Variants in GRID2 observed in about 807,000 individuals in gnomAD.
GRID2 encodes the protein glutamate ionotropic receptor delta type subunit 2, also known as glutamate receptor ionotropic, delta-2.
GRID2 carries 33 observed loss-of-function variants against 114.8 expected under a neutral mutation model. That is an observed-to-expected ratio of 0.29 (90% confidence interval 0.22 to 0.38). The LOEUF (loss-of-function observed/expected upper bound fraction) is 0.38. Among genes scored for constraint, GRID2 ranks in the 10% least tolerant of loss-of-function variants. The pLI, the probability that GRID2 is intolerant of heterozygous loss-of-function variation, is 1.00. For synonymous variants in GRID2, 505 were observed against 449.9 expected (o/e 1.12, Z -1.55); for missense variants, 1,184 against 1,257.7 (o/e 0.94, Z 0.89).
chr4:92,633,276 A>G (rs1730899106), intron 2 of GRID2, among the ~76,000 whole-genome samples: 1 of 152,120 alleles, frequency 6.6e-6, no homozygotes, highest in Non-Finnish European at 1.5e-5. Context: ...TATTTCCCCT[A>G]TAATGTGAAA....
In GRID2 at chr4:92,492,080, A is replaced by G. The variant is rs190367848; in HGVS notation, c.89-98051A>G. Among the ~76,000 whole-genome samples the G allele has an allele frequency of 5.1e-3, 776 of 152,298 alleles. 6 individuals carry two copies. The highest frequency in any genetic ancestry group is 0.017 in the African/African-American group (703 of 41,576). ...TGCATTTTTAAATATTATTTTAGTT[A>G]TATCTATCCTAAAAGGCTTTGTATG... is the stretch of plus-strand genomic sequence containing the variant. On this transcript the variant is annotated intron_variant, in intron 1 of 15. Transcript: ENST00000282020.
chr4:92,539,379 G>T (rs1417745253), intron 1 of GRID2, among the ~76,000 whole-genome samples: 1 of 151,934 alleles, frequency 6.6e-6, no homozygotes, highest in Non-Finnish European at 1.5e-5. Flanking sequence ...TAGCAAATGA[G>T]TAAAACATAG....
At chr4:93,799,298 A>C (rs531539471) in intron 1 of GRID2, among the ~76,000 whole-genome samples, 7 of 152,158 alleles carry the variant, frequency 4.6e-5, no homozygotes, top group African/African-American at 7.2e-5. Flanking sequence ...AGGGCCTACT[A>C]TGTTCCTAGA....
chr4:92,356,509 C>T (rs1359971146), intron 1 of GRID2, among the ~76,000 whole-genome samples: 1 of 151,398 alleles, frequency 6.6e-6, no homozygotes, highest in African/African-American at 2.4e-5. Flanking sequence ...AATTTATATG[C>T]ATATTACATA....
chr4:92,950,590 G>T (rs925669937), intron 2 of GRID2, among the ~76,000 whole-genome samples: 1 of 152,058 alleles, frequency 6.6e-6, no homozygotes, highest in African/African-American at 2.4e-5. Context: ...GAAGAAACTG[G>T]GTTAGTCACA....
At position 93,535,808 on chromosome 4, in the gene GRID2, GATGTATGGTTTGCAA is replaced by G. The variant is rs1305114275; in HGVS notation, c.2193+20400_2193+20414del. ...TATTTTGGATATTAACCCTTCATCA[GATGTATGGTTTGCAA>G]ATATTTTCTACCATTTCCTAAGCTG... On this transcript the variant is annotated intron_variant, in intron 13 of 15. Coordinates refer to ENST00000282020, the MANE Select transcript of GRID2 (RefSeq NM_001510.4). 5.9e-5 allele frequency among the ~76,000 whole-genome samples: 9 copies of G among 152,062 alleles called. No homozygotes were observed. The East Asian group carries it at 1.7e-3, about 29-fold the overall frequency.
chr4:92,894,361 G>C (rs1399385006), intron 2 of GRID2, among the ~76,000 whole-genome samples: 1 of 152,072 alleles, frequency 6.6e-6, no homozygotes, highest in Non-Finnish European at 1.5e-5. Context: ...TTTAGTGCTT[G>C]CATTTGTATG....
intron 2 of GRID2, among the ~76,000 whole-genome samples, chr4:93,015,365 A>G (rs1722578736): frequency 6.6e-6 from 1 of 152,194 alleles, no homozygotes; most frequent in South Asian, 2.1e-4. Context: ...TGAAGAGCAC[A>G]GATGCTGGAG....
chr4:92,735,006 T>C (rs1028878668), intron 2 of GRID2, among the ~76,000 whole-genome samples: 2 of 152,084 alleles, frequency 1.3e-5, no homozygotes, highest in African/African-American at 2.4e-5. Context: ...CTTGGACTCT[T>C]GGGCTCAAGC....
chr4:93,470,798 T>C (rs1411278420), intron 11 of GRID2, among the ~76,000 whole-genome samples: 1 of 152,126 alleles, frequency 6.6e-6, no homozygotes, highest in Non-Finnish European at 1.5e-5. Flanking sequence ...AACAAAAATC[T>C]ACAGATATAT....
chr4:92,640,529 G>A lies in GRID2; in HGVS notation c.244+50243G>A, dbSNP rs6856028. 9.7e-3 allele frequency among the ~76,000 whole-genome samples: 1,466 copies of A among 151,852 alleles called. 21 individuals carry two copies. The highest frequency in any genetic ancestry group is 0.034 in the African/African-American group (1,393 of 41,472). ...GAAACAATTAACAGCTAAAGCCCAG[G>A]ATATGACTAAAGAGAAAGGATCTCT... On this transcript the variant is annotated intron_variant, in intron 2 of 15. Coordinates refer to ENST00000282020, the MANE Select transcript of GRID2 (RefSeq NM_001510.4).
intron 8 of GRID2, among the ~76,000 whole-genome samples, chr4:93,268,425 A>G (rs1025937666): frequency 6.6e-6 from 1 of 152,068 alleles, no homozygotes; most frequent in Non-Finnish European, 1.5e-5. Flanking sequence ...ATCTCCAAAT[A>G]TATTTGGGGT....
intron 1 of GRID2, among the ~76,000 whole-genome samples, chr4:92,445,542 T>G (rs1733411954): frequency 6.6e-6 from 1 of 152,210 alleles, no homozygotes; most frequent in Non-Finnish European, 1.5e-5. Context: ...GTTTTGGTAT[T>G]CAAAAGGAGC....
chr4:93,520,771 A>G (rs1041171569), intron 13 of GRID2, among the ~76,000 whole-genome samples: 1 of 152,178 alleles, frequency 6.6e-6, no homozygotes, highest in Non-Finnish European at 1.5e-5. Flanking sequence ...CTGATTCACA[A>G]TAAGGGTTGA....
At chr4:92,504,195 GA>G (rs1454267106) in intron 1 of GRID2, among the ~76,000 whole-genome samples, 1 of 152,026 alleles carries the variant, frequency 6.6e-6, no homozygotes, top group Non-Finnish European at 1.5e-5. Flanking sequence ...GAAGAGAGGA[GA>G]AAAGGGTTTT....
intron 1 of GRID2, among the ~76,000 whole-genome samples, chr4:92,424,643 T>A (rs1196796714): frequency 6.6e-6 from 1 of 151,714 alleles, no homozygotes; most frequent in Non-Finnish European, 1.5e-5. Context: ...GTAATGAATA[T>A]GAGAAATAAA....
In GRID2 at chr4:92,366,260, T is replaced by C. The variant is rs1378523495; in HGVS notation, c.88+61516T>C. Reference sequence around the variant, plus strand: ...TTTAAATCCTCCATGTTTCTTAGTTTCCCATATTACATTCCTTATCTCAAC... The same window carrying C: ...TTTAAATCCTCCATGTTTCTTAGTTCCCCATATTACATTCCTTATCTCAAC... On this transcript the variant is annotated intron_variant, in intron 1 of 15. Coordinates refer to ENST00000282020, the MANE Select transcript of GRID2 (RefSeq NM_001510.4). Among the ~76,000 whole-genome samples, 2 of 152,036 alleles carry C rather than the reference T, an allele frequency of 1.3e-5. 1 individual carries two copies. The highest frequency in any genetic ancestry group is 6.3e-3 in the Middle Eastern group (2 of 316).
intron 14 of GRID2, among the ~76,000 whole-genome samples, chr4:93,725,757 G>C (rs1729815548): frequency 6.6e-6 from 1 of 152,068 alleles, no homozygotes; most frequent in African/African-American, 2.4e-5. Context: ...TTTTTCATGT[G>C]TCTTTTGACT....
intron 8 of GRID2, among the ~76,000 whole-genome samples, chr4:93,239,229 T>C (rs1160545193): frequency 2.0e-5 from 3 of 148,244 alleles, no homozygotes; most frequent in Non-Finnish European, 4.5e-5. Context: ...CACACACACA[T>C]ATAGATATAT....
Sources: allele counts gnomAD v4.1 joint callset (sites outside exome capture counted in the v4.1 genomes callset), GRCh38; gene constraint gnomAD v4.1.1; transcripts MANE v1.5; gene names NCBI Gene and HGNC (gene_info 2026-07-23, HGNC 2026-07-21).